Variants in FANK1 observed in about 807,000 individuals in gnomAD.
FANK1 encodes fibronectin type III and ankyrin repeat domains 1, also known as fibronectin type 3 and ankyrin repeat domains protein 1.
FANK1 carries 44 observed loss-of-function variants against 45.3 expected under a neutral mutation model. The observed-to-expected ratio is 0.97, with a 90% CI of 0.76 to 1.25. The LOEUF is 1.25. Among genes scored for constraint, FANK1 ranks in the 50% most tolerant of loss-of-function variants. FANK1 has a pLI of 0.00. For synonymous variants in FANK1, 149 were observed against 152.5 expected, an observed-to-expected ratio of 0.98 and a Z score of 0.17; for missense variants, 391 against 424.4, an observed-to-expected ratio of 0.92 and a Z score of 0.69.
intron 1 of FANK1, among the ~76,000 whole-genome samples, chr10:125,968,073 ATTTC>A (rs1288463317): frequency 6.6e-6 from 1 of 151,316 alleles, no homozygotes; most frequent in Non-Finnish European, 1.5e-5. Context: ...AGTTATTTTA[ATTTC>A]TTCTTTTTTT....
intron 5 of FANK1, among the ~76,000 whole-genome samples, chr10:125,996,997 CATT>C (rs1405409125): frequency 6.6e-6 from 1 of 151,946 alleles, no homozygotes; most frequent in African/African-American, 2.4e-5. Context: ...GATACACTCT[CATT>C]ATCTGTTCCA....
Position 125,911,460 on chromosome 10 carries a change from A to C in FANK1, c.13+14805A>C, listed in dbSNP as rs150675325. On this transcript the variant is annotated intron_variant, in intron 1 of 10. Coordinates refer to ENST00000368693, the MANE Select transcript of FANK1 (RefSeq NM_145235.5). ...ATTTGTGGTAACTAATTATAGCAGC[A>C]ATAGGAAACTTAGAAGAGCTGTTTT... is the stretch of plus-strand genomic sequence containing the variant. 5.4e-3 allele frequency among the ~76,000 whole-genome samples: 824 copies of C among 152,380 alleles called. 6 individuals carry two copies. Among genetic ancestry groups the C allele is most frequent in the African/African-American group, 0.019 (798 of 41,588 alleles).
In FANK1 at chr10:125,944,297, A is replaced by G. The variant is rs561542073; in HGVS notation, c.14-35864A>G. On this transcript the variant is annotated intron_variant, in intron 1 of 10. Transcript: ENST00000368693. ...TTTCCCTTATTTTGATTAATTCTCCATGAGCTATTTTGGATAAATAAAAGT... is the reference window on the plus strand; with the variant it reads ...TTTCCCTTATTTTGATTAATTCTCCGTGAGCTATTTTGGATAAATAAAAGT... Among the ~76,000 whole-genome samples, 7 of 152,314 alleles carry G rather than the reference A, an allele frequency of 4.6e-5. No individual in the cohort carries two copies. The South Asian group carries it at 1.0e-3, about 23-fold the overall frequency.
intron 1 of FANK1, among the ~76,000 whole-genome samples, chr10:125,946,019 G>A (rs537821470): frequency 5.9e-5 from 9 of 152,246 alleles, no homozygotes; most frequent in East Asian, 1.9e-4. Flanking sequence ...ACACGGCAGG[G>A]TATTCCAACA....
At chr10:125,926,128 G>T (rs182091858) in intron 1 of FANK1, among the ~76,000 whole-genome samples, 161 of 152,082 alleles carry the variant, frequency 1.1e-3, no homozygotes, top group Non-Finnish European at 1.9e-3. Flanking sequence ...TACTTTCATC[G>T]CATTAAACTC....
At chr10:125,952,468 T>C (rs1019172260) in intron 1 of FANK1, among the ~76,000 whole-genome samples, 1 of 152,086 alleles carries the variant, frequency 6.6e-6, no homozygotes, top group Admixed American at 6.6e-5. Context: ...ATAAAGCTGT[T>C]TAAAAAAAAG....
intron 1 of FANK1, among the ~76,000 whole-genome samples, chr10:125,939,876 C>T (rs893724470): frequency 7.3e-5 from 11 of 151,698 alleles, no homozygotes; most frequent in Non-Finnish European, 1.5e-4. Context: ...TAGAAGCATT[C>T]TTATTAAAGA....
At chr10:125,924,030 C>T (rs950863188) in intron 1 of FANK1, among the ~76,000 whole-genome samples, 17 of 151,956 alleles carry the variant, frequency 1.1e-4, no homozygotes, top group Non-Finnish European at 1.6e-4. Flanking sequence ...GTGGGAGGAT[C>T]GCTTGAGCCT....
intron 2 of FANK1, 49 bp downstream of exon 2, chr10:125,980,387 G>A (rs973047139): frequency 6.4e-7 from 1 of 1,554,034 alleles, no homozygotes; most frequent in Non-Finnish European, 8.7e-7. Context: ...TTCCTGATTA[G>A]CTGGAATGAT....
At chr10:125,981,296 C>T (rs1174295829) in intron 2 of FANK1, among the ~76,000 whole-genome samples, 1 of 152,054 alleles carries the variant, frequency 6.6e-6, no homozygotes, top group Non-Finnish European at 1.5e-5. Flanking sequence ...TCCCTTGAAC[C>T]TGGATGTTCA....
At chr10:126,000,828 T>C (rs1353630851) in intron 6 of FANK1, among the ~76,000 whole-genome samples, 1 of 152,174 alleles carries the variant, frequency 6.6e-6, no homozygotes, top group Non-Finnish European at 1.5e-5. Context: ...TGCCCATACA[T>C]ATACTCCAAA....
intron 1 of FANK1, among the ~76,000 whole-genome samples, chr10:125,952,072 A>G (rs1039041783): frequency 1.3e-5 from 2 of 152,174 alleles, no homozygotes; most frequent in Admixed American, 6.5e-5. Flanking sequence ...GATGTGTCAG[A>G]TAAGTTCAGG....
chr10:125,985,973 G>A (rs889690972), intron 2 of FANK1, among the ~76,000 whole-genome samples: 2 of 152,142 alleles, frequency 1.3e-5, no homozygotes, highest in African/African-American at 4.8e-5. Flanking sequence ...AGGAGAAGCA[G>A]AAACTTCTGG....
chr10:125,928,444 A>G (rs1947528137), intron 1 of FANK1, among the ~76,000 whole-genome samples: 1 of 135,588 alleles, frequency 7.4e-6, no homozygotes, highest in African/African-American at 2.6e-5. Flanking sequence ...TTTATCAGCA[A>G]GGTCATTATG....
At chr10:126,002,783 T>TTTTTTTTTTTTTAA (rs58066128) in intron 6 of FANK1, among the ~76,000 whole-genome samples, 1 of 144,472 alleles carries the variant, frequency 6.9e-6, no homozygotes. Flanking sequence ...TTTTTTTTTT[T>TTTTTTTTTTTTTAA]CATTCTTGCT....
chr10:125,977,577 C>G (rs1319273692), intron 1 of FANK1, among the ~76,000 whole-genome samples: 2 of 152,118 alleles, frequency 1.3e-5, no homozygotes, highest in Non-Finnish European at 1.5e-5. Context: ...CTGGGGTGAT[C>G]TCAGTGTTTA....
At chr10:125,991,247 A>AGG (rs759667104) in intron 3 of FANK1, among the ~76,000 whole-genome samples, 9 of 55,112 alleles carry the variant, frequency 1.6e-4, no homozygotes, top group South Asian at 1.1e-3. Flanking sequence ...GGTGGTGACC[A>AGG]GGGGTGTGTG....
chr10:125,962,795 G>A (rs932936194), intron 1 of FANK1, among the ~76,000 whole-genome samples: 8 of 151,482 alleles, frequency 5.3e-5, no homozygotes, highest in African/African-American at 1.5e-4. Flanking sequence ...CTGTTATTTC[G>A]TTTCCTTGCA....
intron 1 of FANK1, among the ~76,000 whole-genome samples, chr10:125,902,052 G>C (rs112611162): frequency 0.045 from 6,808 of 152,232 alleles, 506 homozygotes; most frequent in African/African-American, 0.15. Context: ...CTGGGAGGTG[G>C]AGGTTGCAGT....
Sources: allele counts gnomAD v4.1 joint callset (sites outside exome capture counted in the v4.1 genomes callset), GRCh38; gene constraint gnomAD v4.1.1; transcripts MANE v1.5; gene names NCBI Gene and HGNC (gene_info 2026-07-23, HGNC 2026-07-21).